LENG8: variants seen among roughly 807,000 people sequenced by gnomAD.
The protein encoded by LENG8 is leukocyte receptor cluster (LRC) member 8.
In LENG8, 28 loss-of-function variants were observed where a neutral mutation model predicts 102.1. The ratio of observed to expected loss-of-function variants is 0.27; its 90% CI spans 0.20 to 0.38. The LOEUF (loss-of-function observed/expected upper bound fraction) is 0.38. Ranked by LOEUF, LENG8 falls within the 10% of genes least tolerant of loss-of-function variation. The pLI, the probability that LENG8 is intolerant of heterozygous loss-of-function variation, is 1.00. For synonymous variants in LENG8, 531 were observed against 456.7 expected, an observed-to-expected ratio of 1.16 and a Z score of -2.07; for missense variants, 1,022 against 1,113.9, an observed-to-expected ratio of 0.92 and a Z score of 1.17.
intron 11 of LENG8, 128 bp downstream of exon 11, chr19:54,457,049 C>T (rs1361680691): frequency 1.0e-5 from 11 of 1,092,228 alleles, no homozygotes; most frequent in African/African-American, 8.0e-5. Flanking sequence ...CGGCCAGAGA[C>T]GCCTCGGCTG....
rs185190571 is a variant in LENG8, at chr19:54,459,235, G to A, written c.2240+714G>A. 9.3e-5 allele frequency: 99 copies of A among 1,062,672 alleles called. No homozygotes were observed. The African/African-American group carries it at 1.5e-3, about 16-fold the overall frequency. 65.8% of individuals were successfully genotyped at this position (1,062,672 alleles called of 1,614,324 possible). A position where few individuals can be genotyped will look rare whatever the true frequency, so the allele number is the denominator to read the frequency against. On this transcript the variant is annotated intron_variant, in intron 15 of 15. Transcript: ENST00000326764. ...TGCTCTTGGCATCTAGTGAGTGGAG[G>A]CCAGGGATGCTGCCCTGCCACTGCC...
intron 4 of LENG8, among the ~76,000 whole-genome samples, chr19:54,453,023 C>T (rs535811023): frequency 2.4e-4 from 37 of 152,346 alleles, no homozygotes; most frequent in Non-Finnish European, 4.9e-4. Flanking sequence ...GATGCCCGCA[C>T]CCGCCAGGCC....
intron 15 of LENG8, chr19:54,459,179 AG>A: frequency 8.3e-7 from 1 of 1,204,218 alleles, no homozygotes; most frequent in Non-Finnish European, 1.0e-6. Flanking sequence ...GGCAATGTCA[AG>A]AGAGGTTTTC....
intron 4 of LENG8, 60 bp downstream of exon 4, chr19:54,452,812 G>A: frequency 3.2e-6 from 4 of 1,257,118 alleles, no homozygotes; most frequent in Non-Finnish European, 3.5e-6. Flanking sequence ...GTCGGGGCGA[G>A]GTGAAGTGGA....
intron 8 of LENG8, 44 bp from the exon 9 acceptor site, chr19:54,455,923 G>A: frequency 1.9e-6 from 3 of 1,576,078 alleles, no homozygotes; most frequent in Non-Finnish European, 2.6e-6. Flanking sequence ...TGTCCTGCCA[G>A]TGTCTGGCGG....
chr19:54,460,685 T>C, intron 15 of LENG8, 81 bp from the exon 16 acceptor site: 1 of 1,444,862 alleles, frequency 6.9e-7, no homozygotes, highest in Non-Finnish European at 9.1e-7. Context: ...GGCACCCGAA[T>C]GGGGGGGCCT....
chr19:54,459,150 A>G (rs1473154516), intron 15 of LENG8: 1 of 1,271,896 alleles, frequency 7.9e-7, no homozygotes, highest in Non-Finnish European at 9.9e-7. Flanking sequence ...CTGGTGATTG[A>G]GGTGCCCAGG....
At chr19:54,451,441 T>C in intron 2 of LENG8, 59 bp downstream of exon 2, 1 of 1,554,066 alleles carries the variant, frequency 6.4e-7, no homozygotes. Flanking sequence ...CAAGACCCAG[T>C]GCTGTCCTCT....
chr19:54,457,306 G>A (rs1260769200), intron 11 of LENG8, among the ~76,000 whole-genome samples: 1 of 152,238 alleles, frequency 6.6e-6, no homozygotes, highest in African/African-American at 2.4e-5. Context: ...GGAAATGGGT[G>A]TGGAGGTGGC....
Position 54,454,526 on chromosome 19 carries a change from G to A in LENG8, c.523G>A (p.Gly175Arg). The A allele has an allele frequency of 1.2e-6, 2 of 1,613,882 alleles. No homozygotes were observed. The highest frequency in any genetic ancestry group is 1.7e-6 in the Non-Finnish European group (2 of 1,179,936). Residue 175 changes from glycine (G) to arginine (R), a missense_variant, in exon 6 of 16, where the codon GGG (glycine) becomes AGG (arginine). Around this residue, in one of 7 missense-constraint regions of LENG8, gnomAD observed 343 missense variants for 320.2 expected, o/e 1.07. Coordinates refer to ENST00000326764, the MANE Select transcript of LENG8 (RefSeq NM_052925.4). ...CCCTCAGCCCTCAAATCCCCCACAT[G>A]GGGCTCACACGCTGAACAGTGGCCC... Reference protein sequence around the residue: ...QPPQPSNPPHGAHTLNSGPQP... With the variant: ...QPPQPSNPPHRAHTLNSGPQP...
chr19:54,449,983 C>T (rs1012100926), intron 1 of LENG8, among the ~76,000 whole-genome samples: 1 of 152,170 alleles, frequency 6.6e-6, no homozygotes, highest in Non-Finnish European at 1.5e-5. Context: ...CGTTCCTATC[C>T]CGTCAACTCG....
Position 54,453,581 on chromosome 19 carries a change from TGG to T in LENG8, c.353_354del (p.Gly118AspfsTer32). On this transcript the variant is annotated frameshift_variant, in exon 5 of 16. Transcript: ENST00000326764. LOFTEE classifies it high-confidence loss of function. ...AGAGCTATGGCTCCCCTTCCCAGTA[TGG>T]GATGGCCGGCTCCTATGGCTCAGCC... ...YQSYGSPSQY[G>X]MAGSYGSATP... 1 of 1,614,018 alleles carries T rather than the reference TGG, an allele frequency of 6.2e-7. No homozygotes were observed. The highest frequency in any genetic ancestry group is 8.5e-7 in the Non-Finnish European group (1 of 1,179,996).
Position 54,460,839 on chromosome 19 carries a change from T to A in LENG8, c.2314T>A (p.Phe772Ile). ...CGAGGGCGAGGCCGCCTGCCGGGCC[T>A]TCCTAGAGCCCCTGGGCCTGGCCTA... ...AFEGEAACRA[F>I]LEPLGLAYTG... Residue 772 changes from phenylalanine to isoleucine, a missense_variant, in exon 16 of 16, where the codon TTC becomes ATC. Coordinates refer to ENST00000326764, the MANE Select transcript of LENG8 (RefSeq NM_052925.4). 1 of 1,576,354 alleles carries A rather than the reference T, an allele frequency of 6.3e-7. No individual in the cohort carries two copies.
At chr19:54,460,722 C>CA in intron 15 of LENG8, 44 bp from the exon 16 acceptor site, 23 of 1,164,496 alleles carry the variant, frequency 2.0e-5, no homozygotes, top group Admixed American at 3.5e-5. Context: ...CTCCCCTGCC[C>CA]TCCCGCCCGC....
At position 54,456,248 on chromosome 19, in the gene LENG8, A is replaced by G. The variant is rs2084236616; in HGVS notation, c.1304+3A>G. ...CCGACGCGCCACTTCCGCAGAAGGT[A>G]CTGAGGCTCCCGGCTGGGGCTGTGT... On this transcript the variant is annotated splice_donor_region_variant and intron_variant, in intron 9 of 15. Transcript: ENST00000326764. 1 of 1,613,964 alleles carries G rather than the reference A, an allele frequency of 6.2e-7. No homozygotes were observed. Among genetic ancestry groups the G allele is most frequent in the Non-Finnish European group, 8.5e-7 (1 of 1,179,930 alleles).
At chr19:54,454,220 G>C (rs2084099024) in intron 5 of LENG8, among the ~76,000 whole-genome samples, 1 of 152,174 alleles carries the variant, frequency 6.6e-6, no homozygotes, top group Admixed American at 6.5e-5. Flanking sequence ...CTTAGTCTCT[G>C]AGCTGGAGCC....
rs759288772 is a variant in LENG8 at position 54,457,830 on chromosome 19, G to A, written c.1815G>A (p.Ser605=). The part of the protein sequence containing the change: ...DYAFACEQMK[S]IRQDLTVQGI... ...CGTTTGCCTGCGAGCAGATGAAGTC[G>A]ATCCGGCAGGATCTGACGGTGAGAC... Residue 605 remains serine, a synonymous_variant, in exon 12 of 16, where the codon TCG becomes TCA. Transcript: ENST00000326764. The A allele has an allele frequency of 2.5e-6, 4 of 1,613,960 alleles. No individual in the cohort carries two copies. The highest frequency in any genetic ancestry group is 1.3e-5 in the African/African-American group (1 of 75,058).
At position 54,454,634 on chromosome 19, in the gene LENG8, G is replaced by A. The variant is rs756385326; in HGVS notation, c.631G>A (p.Glu211Lys). The A allele has an allele frequency of 3.7e-5, 59 of 1,607,594 alleles. No homozygotes were observed. The highest frequency in any genetic ancestry group is 5.3e-5 in the African/African-American group (4 of 74,792). ...GGCCTATGGGCCACACACCTACACC[G>A]AACCTGCCAAGCCCAAGAAGGGCCA... is the stretch of plus-strand genomic sequence containing the variant. ...GQAYGPHTYT[E>K]PAKPKKGQQL... The change falls in exon 6 of 16, where the codon GAA (glutamate) becomes AAA (lysine). Residue 211 changes from glutamate (E) to lysine (K), a missense_variant. Transcript: ENST00000326764.
At chr19:54,459,999 G>A (rs1363273448) in intron 15 of LENG8, 9 of 1,247,368 alleles carry the variant, frequency 7.2e-6, no homozygotes, top group African/African-American at 4.6e-5. Context: ...AGTGCCCCTC[G>A]TGGGTGGGGC....
Sources: allele counts gnomAD v4.1 joint callset (sites outside exome capture counted in the v4.1 genomes callset), GRCh38; gene constraint gnomAD v4.1.1; regional missense constraint gnomAD v4.1.1; transcripts MANE v1.5; gene names NCBI Gene and HGNC (gene_info 2026-07-23, HGNC 2026-07-21).